IQSEC3: variants seen among roughly 807,000 people sequenced by gnomAD.
IQSEC3 encodes IQ motif and SEC7 domain-containing protein 3.
In IQSEC3, 50 loss-of-function variants were observed where a neutral mutation model predicts 105.4. That is an observed-to-expected ratio of 0.47 (90% confidence interval 0.38 to 0.60). The LOEUF (loss-of-function observed/expected upper bound fraction) is 0.60, where lower values mean the gene tolerates loss of function less well. IQSEC3 is among the 20% of genes least tolerant of loss of function. The pLI is 0.00. For synonymous variants in IQSEC3, 708 were observed against 746.0 expected (o/e 0.95, Z 0.83); for missense variants, 1,415 against 1,630.0 (o/e 0.87, Z 2.27).
At chr12:70,217 C>T (rs750691921) in intron 1 of IQSEC3, among the ~76,000 whole-genome samples, 2 of 152,224 alleles carry the variant, frequency 1.3e-5, no homozygotes, top group Non-Finnish European at 2.9e-5. Flanking sequence ...GACTTTTATC[C>T]CCAGAACTCC....
At position 66,985 on chromosome 12, in the gene IQSEC3, C is replaced by T; in HGVS notation, c.103C>T (p.Arg35Cys). Residue 35 changes from arginine (R) to cysteine (C), a missense_variant, in exon 1 of 14, where the codon CGT becomes TGT. Physicochemically the swap from Arg to Cys is radical, Grantham distance 180. Transcript: ENST00000538872. ...QQSLIHTQRE[R>C]IDELERRLDE... ...GAGCCTCATCCACACCCAGCGAGAGCGTATCGACGAGCTGGAGCGGCGGCT... is the reference window on the plus strand; with the variant it reads ...GAGCCTCATCCACACCCAGCGAGAGTGTATCGACGAGCTGGAGCGGCGGCT... The T allele has an allele frequency of 2.0e-6, 3 of 1,532,956 alleles. No homozygotes were observed. Among genetic ancestry groups the T allele is most frequent in the Non-Finnish European group, 2.6e-6 (3 of 1,145,646 alleles). The allele number at this position is 1,532,956 out of a possible 1,614,324, so 95.0% of individuals were successfully genotyped here. A position where few individuals can be genotyped will look rare whatever the true frequency, so the allele number is the denominator to read the frequency against.
intron 2 of IQSEC3, among the ~76,000 whole-genome samples, chr12:107,552 G>GGTGCCCGCCACC (rs1425386094): frequency 4.0e-5 from 6 of 151,896 alleles, no homozygotes; most frequent in Admixed American, 6.5e-5. Context: ...TGGGACTACA[G>GGTGCCCGCCACC]GTGCCCGCCA....
At chr12:153,664 G>A (rs957536697) in intron 5 of IQSEC3, among the ~76,000 whole-genome samples, 7 of 152,170 alleles carry the variant, frequency 4.6e-5, no homozygotes, top group African/African-American at 9.7e-5. Context: ...AAGGCAGGAC[G>A]GCAGGTGCAT....
chr12:126,477 G>A (rs1865413737), intron 3 of IQSEC3, among the ~76,000 whole-genome samples: 1 of 151,894 alleles, frequency 6.6e-6, no homozygotes, highest in South Asian at 2.1e-4. Context: ...CAATTGTGGG[G>A]CCCCCATTGA....
At chr12:150,199 G>A (rs1866450200) in intron 5 of IQSEC3, among the ~76,000 whole-genome samples, 1 of 152,238 alleles carries the variant, frequency 6.6e-6, no homozygotes, top group Non-Finnish European at 1.5e-5. Flanking sequence ...CGCACAGCCA[G>A]TGGTCTCCGA....
chr12:122,516 A>C, intron 2 of IQSEC3, among the ~76,000 whole-genome samples: 1 of 152,252 alleles, frequency 6.6e-6, no homozygotes, highest in East Asian at 1.9e-4. Context: ...TATCACAAGT[A>C]GTTTATTTGG....
At chr12:79,453 G>A (rs782666694) in intron 1 of IQSEC3, among the ~76,000 whole-genome samples, 1 of 152,116 alleles carries the variant, frequency 6.6e-6, no homozygotes, top group Non-Finnish European at 1.5e-5. Context: ...CTTTCTTTAA[G>A]AGATGGTGAC....
intron 3 of IQSEC3, among the ~76,000 whole-genome samples, chr12:131,322 T>C (rs1369105541): frequency 9.2e-5 from 14 of 152,188 alleles, no homozygotes; most frequent in Admixed American, 7.9e-4. Flanking sequence ...AGCTGCTCCC[T>C]GGCCTACAGG....
intron 7 of IQSEC3, among the ~76,000 whole-genome samples, chr12:161,025 G>A (rs1866870062): frequency 6.6e-6 from 1 of 152,068 alleles, no homozygotes; most frequent in Admixed American, 6.5e-5. Flanking sequence ...ATTTCTTTCA[G>A]CCTCCTTGGC....
intron 1 of IQSEC3, among the ~76,000 whole-genome samples, chr12:79,640 C>T (rs953405162): frequency 1.3e-5 from 2 of 152,084 alleles, no homozygotes; most frequent in African/African-American, 4.8e-5. Flanking sequence ...CTATGTTGCC[C>T]AGGCTGGTCT....
chr12:121,509 C>A (rs1274632900), intron 2 of IQSEC3, among the ~76,000 whole-genome samples: 1 of 152,200 alleles, frequency 6.6e-6, no homozygotes, highest in Admixed American at 6.5e-5. Context: ...GGAATCCCCA[C>A]ATCATGGGTC....
intron 2 of IQSEC3, among the ~76,000 whole-genome samples, chr12:120,722 A>G (rs1865191445): frequency 6.6e-6 from 1 of 152,060 alleles, no homozygotes; most frequent in Non-Finnish European, 1.5e-5. Context: ...CTGTTTCCCT[A>G]CTTTCTCAAA....
chr12:94,714 G>A (rs1483525066), intron 1 of IQSEC3, among the ~76,000 whole-genome samples: 6 of 152,242 alleles, frequency 3.9e-5, no homozygotes, highest in African/African-American at 1.4e-4. Flanking sequence ...CCTGCCCTCA[G>A]TGTCTGGACA....
rs1193802468 is a variant in IQSEC3, at chr12:174,669, T to TGCC, written c.3192_3194dup (p.Pro1065dup). 1 of 1,589,734 alleles carries TGCC rather than the reference T, an allele frequency of 6.3e-7. No individual in the cohort carries two copies. Among genetic ancestry groups the TGCC allele is most frequent in the African/African-American group, 1.3e-5 (1 of 74,562 alleles). On this transcript the variant is annotated inframe_insertion, in exon 14 of 14. Transcript: ENST00000538872. ...CTGGGGGCCGAGAGGGGAGCGCCGGTGCCGCCGCCAGACCTGCAGCCTAGC... is the reference window on the plus strand; with the variant it reads ...CTGGGGGCCGAGAGGGGAGCGCCGGTGCCGCCGCCGCCAGACCTGCAGCCTAGC...
chr12:148,374 A>T (rs1866367760), intron 5 of IQSEC3: 1 of 152,154 alleles, frequency 6.6e-6, no homozygotes. Context: ...TCAGTTTGAG[A>T]CCCACCAGCA....
rs770678107 is a variant in IQSEC3 at position 174,699 on chromosome 12, C to G, written c.3215C>G (p.Pro1072Arg). 6.3e-7 allele frequency: 1 copy of G among 1,593,364 alleles called. No homozygotes were observed. Among genetic ancestry groups the G allele is most frequent in the Non-Finnish European group, 8.5e-7 (1 of 1,177,826 alleles). Reference protein sequence around the residue: ...VPPPDLQPSPPRQQTPPLPPP... With the variant: ...VPPPDLQPSPRRQQTPPLPPP... ...CCGCCAGACCTGCAGCCTAGCCCCC[C>G]GAGACAGCAGACCCCACCACTGCCG... The change falls in exon 14 of 14, where the codon CCG becomes CGG. Residue 1072 changes from proline to arginine, a missense_variant. By Grantham distance (103) the Pro-to-Arg change is moderately radical. Coordinates refer to ENST00000538872, the MANE Select transcript of IQSEC3 (RefSeq NM_001170738.2).
At chr12:123,751 T>A (rs1555082432) in intron 2 of IQSEC3, among the ~76,000 whole-genome samples, 2 of 152,144 alleles carry the variant, frequency 1.3e-5, no homozygotes, top group Non-Finnish European at 2.9e-5. Context: ...TCTGGTGTCA[T>A]TTGGCCCATC....
rs1006897358 is a variant in IQSEC3 at position 171,177 on chromosome 12, G to A, written c.3114+16G>A. 6.2e-7 allele frequency: 1 copy of A among 1,614,080 alleles called. No individual in the cohort carries two copies. The highest frequency in any genetic ancestry group is 8.5e-7 in the Non-Finnish European group (1 of 1,179,986). ...CACGGTGGAGGTAAGTGGAGCCCTG[G>A]TTGCCCAGGTGAGTGACTACCCTGC... On this transcript the variant is annotated intron_variant, in intron 13 of 13. Coordinates refer to ENST00000538872, the MANE Select transcript of IQSEC3 (RefSeq NM_001170738.2).
At position 174,597 on chromosome 12, in the gene IQSEC3, A is replaced by G; in HGVS notation, c.3115-2A>G. 6.6e-7 allele frequency: 1 copy of G among 1,525,882 alleles called. No homozygotes were observed. The highest frequency in any genetic ancestry group is 8.8e-7 in the Non-Finnish European group (1 of 1,141,982). The allele number at this position is 1,525,882 out of a possible 1,614,324, so 94.5% of individuals were successfully genotyped here. ...ATGCTTCTCTGGCTGTTTCTAAACTAGGTGTCAATTCACAACAGGCTTCAA... is the reference window on the plus strand; with the variant it reads ...ATGCTTCTCTGGCTGTTTCTAAACTGGGTGTCAATTCACAACAGGCTTCAA... On this transcript the variant is annotated splice_acceptor_variant, in intron 13 of 13. Coordinates refer to ENST00000538872, the MANE Select transcript of IQSEC3 (RefSeq NM_001170738.2). LOFTEE classifies it high-confidence loss of function.
Sources: allele counts gnomAD v4.1 joint callset (sites outside exome capture counted in the v4.1 genomes callset), GRCh38; gene constraint gnomAD v4.1.1; transcripts MANE v1.5; gene names NCBI Gene and HGNC (gene_info 2026-07-23, HGNC 2026-07-21).